Variants in RAB27A observed in about 807,000 individuals in gnomAD.
The protein encoded by RAB27A is RAB27A, member RAS oncogene family, also known as ras-related protein Rab-27A.
RAB27A carries 17 observed loss-of-function variants against 20.8 expected under a neutral mutation model. The observed-to-expected ratio is 0.82, with a 90% CI of 0.56 to 1.23. RAB27A has a LOEUF of 1.23. RAB27A is among the 50% of genes most tolerant of loss of function. The probability of loss-of-function intolerance (pLI) is 0.00; values close to 1 mark genes in which losing one functional copy is unlikely to be tolerated. For synonymous variants in RAB27A, 85 were observed against 92.8 expected (o/e 0.92, Z 0.48); for missense variants, 277 against 266.7 (o/e 1.04, Z -0.27).
At chr15:55,271,764 T>C (rs1897714635) in intron 1 of RAB27A, among the ~76,000 whole-genome samples, 1 of 152,150 alleles carries the variant, frequency 6.6e-6, no homozygotes, top group African/African-American at 2.4e-5. Flanking sequence ...AATCAATCTA[T>C]CCCTTGCCTC....
chr15:55,312,087 T>C (rs2055023411), intron 2 of RAB27A, among the ~76,000 whole-genome samples: 1 of 152,170 alleles, frequency 6.6e-6, no homozygotes, highest in Middle Eastern at 3.2e-3. Flanking sequence ...TTCAGCTCGA[T>C]TAGGACGAAC....
Position 55,204,674 on chromosome 15 carries a change from C to T in RAB27A, c.*833G>A, listed in dbSNP as rs911852504. ...CTCATCGCAAATAACTCGGCATAAG[C>T]ACCAGCTATGTTCAGGTGCGGCCAG... On this transcript the variant is annotated 3_prime_UTR_variant, in exon 7 of 7. Coordinates refer to ENST00000336787, the MANE Select transcript of RAB27A (RefSeq NM_183235.3). 1 of 152,188 alleles carries T rather than the reference C, an allele frequency of 6.6e-6. No individual in the cohort carries two copies. Among genetic ancestry groups the T allele is most frequent in the African/African-American group, 2.4e-5 (1 of 41,432 alleles). 9.4% of individuals were successfully genotyped at this position (152,188 alleles called of 1,614,324 possible). A position where few individuals can be genotyped will look rare whatever the true frequency, so the allele number is the denominator to read the frequency against.
At chr15:55,295,121 T>C (rs2054943337) in intron 2 of RAB27A, among the ~76,000 whole-genome samples, 1 of 151,642 alleles carries the variant, frequency 6.6e-6, no homozygotes, top group African/African-American at 2.4e-5. Flanking sequence ...TAAGAAAATG[T>C]GAATCAAAAT....
rs1388634936 is a variant in RAB27A at position 55,241,600 on chromosome 15, T to TTCTATATATATATA, written c.-22-6645_-22-6644insTATATATATATAGA. The stretch of plus-strand genomic sequence containing the variant: ...AGCCCAGGCAACTAGCAAGACCTAT[T>TTCTATATATATATA]TATATATATATATATATATATATAT... On this transcript the variant is annotated intron_variant, in intron 2 of 6. Transcript: ENST00000336787. 2.3e-4 allele frequency among the ~76,000 whole-genome samples: 29 copies of TTCTATATATATATA among 123,848 alleles called. 4 individuals carry two copies. Among genetic ancestry groups the TTCTATATATATATA allele is most frequent in the African/African-American group, 1.2e-3 (27 of 23,416 alleles). 81.2% of individuals were successfully genotyped at this position (123,848 alleles called of 152,430 possible). A position where few individuals can be genotyped will look rare whatever the true frequency, so the allele number is the denominator to read the frequency against.
At chr15:55,217,747 C>CCTTTT (rs1895378839) in intron 6 of RAB27A, among the ~76,000 whole-genome samples, 1 of 146,720 alleles carries the variant, frequency 6.8e-6, no homozygotes, top group Admixed American at 6.8e-5. Flanking sequence ...TGCTATTGTT[C>CCTTTT]CTTTTCTCCA....
At position 55,262,080 on chromosome 15, in the gene RAB27A, T is replaced by C. The variant is rs545352188; in HGVS notation, c.-23+8085A>G. On this transcript the variant is annotated intron_variant, in intron 2 of 6. Transcript: ENST00000336787. ...TTTCAATAAACTCTTTTCATGAAGA[T>C]ATTGTACATCTTTCAACTTATTGAT... 8.6e-5 allele frequency among the ~76,000 whole-genome samples: 13 copies of C among 151,530 alleles called. No individual in the cohort carries two copies. The South Asian group carries it at 2.7e-3, about 32-fold the overall frequency.
intron 2 of RAB27A, among the ~76,000 whole-genome samples, chr15:55,241,878 C>A (rs550626675): frequency 1.3e-5 from 2 of 151,676 alleles, no homozygotes; most frequent in East Asian, 3.9e-4. Context: ...GGAAAAAACA[C>A]TTAAAGATTT....
chr15:55,234,408 A>C (rs1896166988), intron 3 of RAB27A, among the ~76,000 whole-genome samples: 1 of 152,168 alleles, frequency 6.6e-6, no homozygotes, highest in Admixed American at 6.5e-5. Context: ...AATGCCATTA[A>C]AAATAATAAG....
chr15:55,282,928 A>AAACC (rs57534227), intron 1 of RAB27A, among the ~76,000 whole-genome samples: 1 of 46,082 alleles, frequency 2.2e-5, no homozygotes, highest in East Asian at 2.5e-3. Context: ...ATAAATAAAT[A>AAACC]AACAAACAAA....
intron 6 of RAB27A, among the ~76,000 whole-genome samples, chr15:55,223,192 G>A (rs1028901040): frequency 6.6e-6 from 1 of 152,072 alleles, no homozygotes; most frequent in African/African-American, 2.4e-5. Flanking sequence ...CTCTACAATA[G>A]TACATGAAGT....
intron 6 of RAB27A, among the ~76,000 whole-genome samples, chr15:55,219,940 A>G (rs1417081268): frequency 6.6e-6 from 1 of 152,172 alleles, no homozygotes; most frequent in East Asian, 1.9e-4. Context: ...CAAGTTTCAC[A>G]GCAAAAACAA....
At chr15:55,244,499 G>A (rs1896614736) in intron 2 of RAB27A, among the ~76,000 whole-genome samples, 1 of 152,022 alleles carries the variant, frequency 6.6e-6, no homozygotes, top group South Asian at 2.1e-4. Flanking sequence ...TGTTGTTGGG[G>A]GGAGATGACG....
At chr15:55,218,532 C>T (rs1337104107) in intron 6 of RAB27A, among the ~76,000 whole-genome samples, 3 of 152,180 alleles carry the variant, frequency 2.0e-5, no homozygotes, top group Non-Finnish European at 2.9e-5. Context: ...TTGAATTAAG[C>T]TACTTGAAAT....
chr15:55,317,709 T>C (rs1595759877), intron 1 of RAB27A: 3 of 398,662 alleles, frequency 7.5e-6, no homozygotes, highest in Non-Finnish European at 1.3e-5. Context: ...ACTGTTCAAA[T>C]ACTGGTTGAA....
intron 2 of RAB27A, among the ~76,000 whole-genome samples, chr15:55,256,902 G>C (rs1477297501): frequency 6.6e-6 from 1 of 152,224 alleles, no homozygotes; most frequent in Non-Finnish European, 1.5e-5. Flanking sequence ...AGAAATTTAA[G>C]TGGGGTCATG....
At chr15:55,235,990 A>G (rs372207391) in intron 2 of RAB27A, among the ~76,000 whole-genome samples, 6 of 152,104 alleles carry the variant, frequency 3.9e-5, no homozygotes, top group Admixed American at 2.0e-4. Context: ...GAATGATACA[A>G]TGGACTTTGG....
At chr15:55,237,582 A>C (rs531827729) in intron 2 of RAB27A, 1 of 152,170 alleles carries the variant, frequency 6.6e-6, no homozygotes, top group Non-Finnish European at 1.5e-5. Flanking sequence ...CTCTCCAAAA[A>C]ACGACAACTT....
rs189685880 is a variant in RAB27A at position 55,223,319 on chromosome 15, A to G, written c.467+570T>C. The stretch of plus-strand genomic sequence containing the variant: ...CAGGAGTTGGAGACCAGCCTGGCCA[A>G]TATGGTACCAGAAACCCCATCTCTA... On this transcript the variant is annotated intron_variant, in intron 6 of 6. Transcript: ENST00000336787. Among the ~76,000 whole-genome samples the G allele has an allele frequency of 1.7e-3, 260 of 152,066 alleles. 1 individual carries two copies. The highest frequency in any genetic ancestry group is 6.1e-3 in the African/African-American group (252 of 41,476).
At chr15:55,291,909 A>T (rs1020142043), upstream of RAB27A, among the ~76,000 whole-genome samples, 1 of 152,218 alleles carries the variant, frequency 6.6e-6, no homozygotes, top group African/African-American at 2.4e-5. Context: ...AAAGGAAGTT[A>T]AAGAGTGTTA....
Sources: allele counts gnomAD v4.1 joint callset (sites outside exome capture counted in the v4.1 genomes callset), GRCh38; gene constraint gnomAD v4.1.1; transcripts MANE v1.5; gene names NCBI Gene and HGNC (gene_info 2026-07-23, HGNC 2026-07-21).